FER1L6: variants seen among roughly 807,000 people sequenced by gnomAD.
FER1L6 encodes fer-1-like protein 6.
FER1L6 carries 177 observed loss-of-function variants against 219.2 expected under a neutral mutation model. The observed-to-expected ratio is 0.81, with a 90% CI of 0.71 to 0.91. The LOEUF (loss-of-function observed/expected upper bound fraction) is 0.91, where lower values mean the gene tolerates loss of function less well. Among genes scored for constraint, FER1L6 ranks in the 40% least tolerant of loss-of-function variants. The pLI, the probability that FER1L6 is intolerant of heterozygous loss-of-function variation, is 0.00. For synonymous variants in FER1L6, 768 were observed against 824.3 expected, an observed-to-expected ratio of 0.93 and a Z score of 1.17; for missense variants, 2,153 against 2,259.9, an observed-to-expected ratio of 0.95 and a Z score of 0.96.
intron 15 of FER1L6, among the ~76,000 whole-genome samples, chr8:124,015,516 A>G (rs745686073): frequency 6.1e-5 from 9 of 147,260 alleles, no homozygotes; most frequent in Non-Finnish European, 1.2e-4. Flanking sequence ...TTTTTACTTC[A>G]CAAAAAAAGT....
At chr8:123,947,796 G>A (rs1814571163) in intron 1 of FER1L6, among the ~76,000 whole-genome samples, 1 of 152,240 alleles carries the variant, frequency 6.6e-6, no homozygotes. Context: ...CCAGAGGAAT[G>A]AGTGACTTGT....
chr8:124,021,203 G>A (rs1818440830), intron 16 of FER1L6, among the ~76,000 whole-genome samples: 1 of 152,044 alleles, frequency 6.6e-6, no homozygotes, highest in African/African-American at 2.4e-5. Flanking sequence ...ATGATATGTG[G>A]GGATCATGGG....
At chr8:123,939,074 G>A (rs952097618) in intron 1 of FER1L6, 3 of 677,114 alleles carry the variant, frequency 4.4e-6, no homozygotes, top group African/African-American at 2.0e-5. Flanking sequence ...CAAACCCTTA[G>A]TTTTGAGGCT....
chr8:123,977,508 T>A lies in FER1L6; in HGVS notation c.962T>A (p.Val321Glu). The stretch of plus-strand genomic sequence containing the variant: ...ATGTTCCCTCCCTTGTGTCGGAGGG[T>A]GAAAATCCAGGTGTGGGATGAAGGC... ...KEMFPPLCRR[V>E]KIQVWDEGSM... The change falls in exon 10 of 41, where the codon GTG becomes GAG. Residue 321 changes from valine (V) to glutamate (E), a missense_variant. Transcript: ENST00000522917. The A allele has an allele frequency of 1.2e-6, 2 of 1,613,730 alleles. No individual in the cohort carries two copies. Among genetic ancestry groups the A allele is most frequent in the Non-Finnish European group, 1.7e-6 (2 of 1,179,926 alleles).
At chr8:123,977,392 CAT>C in intron 9 of FER1L6, 23 bp from the exon 10 acceptor site, 7 of 1,604,110 alleles carry the variant, frequency 4.4e-6, no homozygotes, top group Non-Finnish European at 5.1e-6. Flanking sequence ...TTCCATGACT[CAT>C]GTCCTCCTGG....
intron 32 of FER1L6, among the ~76,000 whole-genome samples, chr8:124,078,209 G>T (rs1821376809): frequency 6.6e-6 from 1 of 152,144 alleles, no homozygotes; most frequent in South Asian, 2.1e-4. Context: ...GGATGGGTGG[G>T]TGGGTGGCCA....
intron 33 of FER1L6, among the ~76,000 whole-genome samples, chr8:124,083,011 C>A (rs1258399275): frequency 9.0e-6 from 1 of 111,594 alleles, no homozygotes; most frequent in Non-Finnish European, 1.9e-5. Context: ...ATATTATATA[C>A]ACACACATAT....
intron 22 of FER1L6, among the ~76,000 whole-genome samples, chr8:124,059,601 C>A (rs1820467733): frequency 6.6e-6 from 1 of 152,182 alleles, no homozygotes; most frequent in Non-Finnish European, 1.5e-5. Context: ...CCTGAAGTTT[C>A]ATTAACCCCA....
chr8:124,114,865 T>C (rs959479141), intron 39 of FER1L6, among the ~76,000 whole-genome samples: 1 of 145,166 alleles, frequency 6.9e-6, no homozygotes, highest in Non-Finnish European at 1.5e-5. Context: ...CTTAAATACA[T>C]GTATACATAT....
chr8:123,896,725 G>A (rs1416990503), intron 1 of FER1L6, among the ~76,000 whole-genome samples: 3 of 152,126 alleles, frequency 2.0e-5, no homozygotes, highest in African/African-American at 7.2e-5. Flanking sequence ...CCATGTCTGT[G>A]GTTGTCACTA....
At chr8:124,020,956 G>A (rs933513471) in intron 16 of FER1L6, among the ~76,000 whole-genome samples, 1 of 152,086 alleles carries the variant, frequency 6.6e-6, no homozygotes, top group African/African-American at 2.4e-5. Flanking sequence ...AAGGAAAGAG[G>A]TTTAATTGAC....
rs530755208 is a variant in FER1L6 at position 123,874,487 on chromosome 8, C to T, written c.-8+22302C>T. ...CTGCTAATAGTAAGTGCTAAAGAAACGGTAGCTGGCTTCCTATTTTACATA... is the reference window on the plus strand; with the variant it reads ...CTGCTAATAGTAAGTGCTAAAGAAATGGTAGCTGGCTTCCTATTTTACATA... On this transcript the variant is annotated intron_variant, in intron 1 of 40. Transcript: ENST00000522917. 8.6e-4 allele frequency among the ~76,000 whole-genome samples: 131 copies of T among 152,272 alleles called. 1 individual carries two copies. Among genetic ancestry groups the T allele is most frequent in the African/African-American group, 3.0e-3 (124 of 41,550 alleles).
intron 19 of FER1L6, among the ~76,000 whole-genome samples, chr8:124,037,853 C>T (rs1212009826): frequency 6.6e-6 from 1 of 152,090 alleles, no homozygotes; most frequent in Non-Finnish European, 1.5e-5. Context: ...CTGCCATGTC[C>T]CTCCCACCCC....
chr8:123,888,025 T>A (rs1286762289), intron 1 of FER1L6, among the ~76,000 whole-genome samples: 2 of 152,202 alleles, frequency 1.3e-5, no homozygotes, highest in Non-Finnish European at 2.9e-5. Context: ...TGGGGCTTGT[T>A]TGTTACTGCA....
rs771108281 is a variant in FER1L6, at chr8:124,064,587, C to T, written c.3555+14C>T. On this transcript the variant is annotated intron_variant, in intron 26 of 40. Transcript: ENST00000522917. ...GGAAAACCTAAGGTCAGACTAAAATCCCTCTCTATATTTACAAGGCTCATT... is the reference window on the plus strand; with the variant it reads ...GGAAAACCTAAGGTCAGACTAAAATTCCTCTCTATATTTACAAGGCTCATT... 2 of 1,607,294 alleles carry T rather than the reference C, an allele frequency of 1.2e-6. No individual in the cohort carries two copies. Among genetic ancestry groups the T allele is most frequent in the Non-Finnish European group, 1.7e-6 (2 of 1,176,522 alleles).
Position 123,905,323 on chromosome 8 carries a change from C to A in FER1L6, c.-7-50669C>A, listed in dbSNP as rs111668190. Among the ~76,000 whole-genome samples, 211 of 152,220 alleles carry A rather than the reference C, an allele frequency of 1.4e-3. 1 individual carries two copies. Among genetic ancestry groups the A allele is most frequent in the African/African-American group, 5.1e-3 (210 of 41,542 alleles). ...TTCGGCTCCCAGTTTTAAGTGAGAA[C>A]GTGTGGTGTTGGTTTTCTGTTCCTG... On this transcript the variant is annotated intron_variant, in intron 1 of 40. Coordinates refer to ENST00000522917, the MANE Select transcript of FER1L6 (RefSeq NM_001039112.2).
rs1823155735 is a variant in FER1L6 at position 124,114,603 on chromosome 8, T to C, written c.5290-4241T>C. The stretch of plus-strand genomic sequence containing the variant: ...ATCTCAGTGGGGCAAATAGGACAAT[T>C]TGAACATCCAAAAGAAAAATGACTA... On this transcript the variant is annotated intron_variant, in intron 39 of 40. Coordinates refer to ENST00000522917, the MANE Select transcript of FER1L6 (RefSeq NM_001039112.2). Among the ~76,000 whole-genome samples the C allele has an allele frequency of 2.0e-5, 3 of 151,930 alleles. No homozygotes were observed. In the South Asian group the frequency reaches 6.2e-4, roughly 32 times the overall value.
At chr8:123,861,915 C>T (rs1485486550) in intron 1 of FER1L6, among the ~76,000 whole-genome samples, 13 of 98,664 alleles carry the variant, frequency 1.3e-4, no homozygotes, top group South Asian at 3.9e-4. Context: ...ACAATCATGT[C>T]GTCTGCAAAC....
chr8:123,906,039 G>A (rs1455914581), intron 1 of FER1L6, among the ~76,000 whole-genome samples: 4 of 152,170 alleles, frequency 2.6e-5, no homozygotes, highest in Admixed American at 2.6e-4. Flanking sequence ...GGCAGGTAAG[G>A]TTATGCATTG....
Sources: allele counts gnomAD v4.1 joint callset (sites outside exome capture counted in the v4.1 genomes callset), GRCh38; gene constraint gnomAD v4.1.1; transcripts MANE v1.5; gene names NCBI Gene and HGNC (gene_info 2026-07-23, HGNC 2026-07-21).